TMEM47: variants seen among roughly 807,000 people sequenced by gnomAD.
The protein encoded by TMEM47 is transmembrane protein 47, also known as brain cell membrane protein 1.
Under a neutral mutation model 12.4 loss-of-function variants are expected in TMEM47, and 3 were observed. The observed-to-expected ratio is 0.24, with a 90% confidence interval of 0.11 to 0.63. The LOEUF (loss-of-function observed/expected upper bound fraction) is 0.63. Among genes scored for constraint, TMEM47 ranks in the 20% least tolerant of loss-of-function variants. The pLI is 0.86. For synonymous variants in TMEM47, 62 were observed against 63.3 expected (o/e 0.98, Z 0.10); for missense variants, 89 against 143.8 (o/e 0.62, Z 1.95).
Position 34,627,673 on chromosome X carries a change from G to GTA in TMEM47, c.*2638_*2639dup, listed in dbSNP as rs888691994. 2.7e-5 allele frequency: 3 copies of GTA among 112,010 alleles called. No homozygotes were observed. In the Admixed American group the frequency reaches 2.9e-4, roughly 11 times the overall value. 9.2% of individuals were successfully genotyped at this position (112,010 alleles called of 1,213,427 possible). ...AGTATTTTATGCTATATGTGTGTGA[G>GTA]TATATATATGTGTGTATATCTATAT... On this transcript the variant is annotated 3_prime_UTR_variant, in exon 3 of 3. Coordinates refer to ENST00000275954, the MANE Select transcript of TMEM47 (RefSeq NM_031442.4).
chrX:34,651,931 G>GAA (rs1403860250), intron 1 of TMEM47, among the ~76,000 whole-genome samples: 1 of 112,153 alleles, frequency 8.9e-6, no homozygotes, highest in African/African-American at 3.2e-5. Flanking sequence ...ACTTAAAGGG[G>GAA]AAAAATCTTC....
chrX:34,638,965 T>C (rs747157565), intron 2 of TMEM47, among the ~76,000 whole-genome samples: 29 of 111,865 alleles, frequency 2.6e-4, no homozygotes, highest in African/African-American at 9.4e-4. Flanking sequence ...TGTTAGTAAA[T>C]ACACCTGCTG....
chrX:34,653,016 A>C (rs1922043628), intron 1 of TMEM47, among the ~76,000 whole-genome samples: 1 of 112,218 alleles, frequency 8.9e-6, no homozygotes, highest in South Asian at 3.7e-4. Context: ...CAAAATATGA[A>C]CAGATGAAAC....
intron 2 of TMEM47, among the ~76,000 whole-genome samples, chrX:34,636,579 A>G (rs1004562707): frequency 8.9e-6 from 1 of 111,859 alleles, no homozygotes; most frequent in Non-Finnish European, 1.9e-5. Context: ...AATTTCACCA[A>G]GTCTTTAGTG....
intron 2 of TMEM47, among the ~76,000 whole-genome samples, chrX:34,631,748 T>C (rs1601963943): frequency 8.9e-6 from 1 of 112,362 alleles, no homozygotes; most frequent in East Asian, 2.8e-4. Context: ...TTGTTTCTAC[T>C]ATCTAAAATA....
rs1427636920 is a variant in TMEM47, at chrX:34,630,206, CTGCT to C, written c.*103_*106del. 1 of 837,621 alleles carries C rather than the reference CTGCT, an allele frequency of 1.2e-6. No individual in the cohort carries two copies. The highest frequency in any genetic ancestry group is 2.0e-5 in the African/African-American group (1 of 49,796). The allele number at this position is 837,621 out of a possible 1,213,427, so 69.0% of individuals were successfully genotyped here. ...AAAAAGATTAAATCAACTGAGCAAA[CTGCT>C]TGATGCTCCACAAGTGTTTTAGAAA... On this transcript the variant is annotated 3_prime_UTR_variant, in exon 3 of 3. Transcript: ENST00000275954.
In TMEM47 at chrX:34,656,913, C is replaced by T. The variant is rs1171346056; in HGVS notation, c.117G>A (p.Leu39=). The T allele has an allele frequency of 7.6e-6, 9 of 1,180,758 alleles. No homozygotes were observed. Among genetic ancestry groups the T allele is most frequent in the Non-Finnish European group, 9.1e-6 (8 of 880,493 alleles). ...LALCLDLGAV[L]SPAWVTADHQ... is the part of the protein sequence containing the mutation. ...GGTCAGCTGTGACCCAGGCCGGGCT[C>T]AGCACCGCCCCCAGGTCCAGACACA... Residue 39 remains leucine (L), a synonymous_variant, in exon 1 of 3, where the codon CTG becomes CTA. Transcript: ENST00000275954.
intron 1 of TMEM47, among the ~76,000 whole-genome samples, chrX:34,653,620 A>G (rs1289597017): frequency 4.5e-5 from 5 of 112,033 alleles, no homozygotes; most frequent in Non-Finnish European, 7.5e-5. Context: ...TGCCAATCCT[A>G]TTTACACTAA....
intron 1 of TMEM47, among the ~76,000 whole-genome samples, chrX:34,643,388 T>C (rs925166791): frequency 2.3e-4 from 25 of 110,841 alleles, no homozygotes; most frequent in African/African-American, 7.5e-4. Context: ...GAAAACTTGT[T>C]CTACCCTGAC....
intron 1 of TMEM47, among the ~76,000 whole-genome samples, chrX:34,650,439 T>G (rs185800789): frequency 2.3e-4 from 26 of 112,312 alleles, no homozygotes; most frequent in Admixed American, 1.8e-3. Flanking sequence ...TGTAATAAAT[T>G]TGATTAGACT....
rs2147135418 is a variant in TMEM47, at chrX:34,628,548, G to GT, written c.*1764_*1765insA. On this transcript the variant is annotated 3_prime_UTR_variant, in exon 3 of 3. Transcript: ENST00000275954. ...TTTCTAGCATTTGGATAATAAAATA[G>GT]GTTTTTTTTTTTTGGCTGTTGTTTT... is the stretch of plus-strand genomic sequence containing the variant. 9.3e-6 allele frequency: 1 copy of GT among 107,769 alleles called. No homozygotes were observed. Among genetic ancestry groups the GT allele is most frequent in the South Asian group, 3.9e-4 (1 of 2,540 alleles). The allele number at this position is 107,769 out of a possible 1,213,427, so 8.9% of individuals were successfully genotyped here.
At position 34,644,309 on chromosome X, in the gene TMEM47, G is replaced by GCTGA. The variant is rs1443866592; in HGVS notation, c.227-4926_227-4923dup. 9.0e-5 allele frequency among the ~76,000 whole-genome samples: 10 copies of GCTGA among 111,719 alleles called. No homozygotes were observed. In the Admixed American group the frequency reaches 9.5e-4, roughly 11 times the overall value. On this transcript the variant is annotated intron_variant, in intron 1 of 2. Transcript: ENST00000275954. ...ACAGTTTAGTATTCTGCAGAATTGTGCTGACTTATTTTAGCATTGTAACAT... is the reference window on the plus strand; with the variant it reads ...ACAGTTTAGTATTCTGCAGAATTGTGCTGACTGACTTATTTTAGCATTGTAACAT...
chrX:34,645,066 C>T (rs932296050), intron 1 of TMEM47, among the ~76,000 whole-genome samples: 1 of 112,045 alleles, frequency 8.9e-6, no homozygotes, highest in South Asian at 3.7e-4. Flanking sequence ...TCCCAGCAAA[C>T]ATTCAGCTTT....
In TMEM47 at chrX:34,637,342, G is replaced by A. The variant is rs761084293; in HGVS notation, c.367+1905C>T. On this transcript the variant is annotated intron_variant, in intron 2 of 2. Coordinates refer to ENST00000275954, the MANE Select transcript of TMEM47 (RefSeq NM_031442.4). ...AAGACCTCAGAGAAAAAAAAAAGAAGACAAAATCTTTATAATCTGTTTGGC... is the reference window on the plus strand; with the variant it reads ...AAGACCTCAGAGAAAAAAAAAAGAAAACAAAATCTTTATAATCTGTTTGGC... 2.5e-4 allele frequency among the ~76,000 whole-genome samples: 27 copies of A among 109,701 alleles called. No individual in the cohort carries two copies. In the East Asian group the frequency reaches 6.9e-3, roughly 28 times the overall value.
At chrX:34,633,318 G>T (rs1316324933) in intron 2 of TMEM47, among the ~76,000 whole-genome samples, 2 of 111,631 alleles carry the variant, frequency 1.8e-5, no homozygotes, top group African/African-American at 6.5e-5. Flanking sequence ...CTGAGGAGGA[G>T]ATATTGAGCA....
At chrX:34,652,014 C>T (rs1313132618) in intron 1 of TMEM47, among the ~76,000 whole-genome samples, 1 of 111,997 alleles carries the variant, frequency 8.9e-6, no homozygotes, top group African/African-American at 3.2e-5. Flanking sequence ...AACAAACAGG[C>T]ACTTTCATAT....
chrX:34,651,439 C>T (rs1191918451), intron 1 of TMEM47, among the ~76,000 whole-genome samples: 3 of 112,006 alleles, frequency 2.7e-5, no homozygotes, highest in Non-Finnish European at 5.6e-5. Flanking sequence ...GGAAAATGAC[C>T]CTACAGTTCC....
At chrX:34,641,405 C>A (rs961591487) in intron 1 of TMEM47, among the ~76,000 whole-genome samples, 1 of 112,103 alleles carries the variant, frequency 8.9e-6, no homozygotes, top group Non-Finnish European at 1.9e-5. Context: ...CTGTTAGCAA[C>A]TTTCCCTAAA....
At chrX:34,640,234 T>C (rs1921792162) in intron 1 of TMEM47, among the ~76,000 whole-genome samples, 1 of 111,993 alleles carries the variant, frequency 8.9e-6, no homozygotes, top group Non-Finnish European at 1.9e-5. Flanking sequence ...GGACTCTGAA[T>C]GGCTGCTCGG....
Sources: allele counts gnomAD v4.1 joint callset (sites outside exome capture counted in the v4.1 genomes callset), GRCh38; gene constraint gnomAD v4.1.1; transcripts MANE v1.5; gene names NCBI Gene and HGNC (gene_info 2026-07-23, HGNC 2026-07-21).